Variants in PLXNA2 observed in about 807,000 individuals in gnomAD.
PLXNA2 encodes the protein plexin-A2.
Under a neutral mutation model 193.5 loss-of-function variants are expected in PLXNA2, and 91 were observed. The observed-to-expected ratio is 0.47, with a 90% CI of 0.40 to 0.56. The LOEUF (loss-of-function observed/expected upper bound fraction) is 0.56. Among genes scored for constraint, PLXNA2 ranks in the 20% least tolerant of loss-of-function variants. The pLI is 0.00. For missense variants in PLXNA2, 1,995 were observed against 2,503.2 expected (o/e 0.80, Z 4.33); for synonymous variants, 997 against 1,027.3 (o/e 0.97, Z 0.56).
chr1:208,194,288 G>T (rs1670280684), intron 3 of PLXNA2, among the ~76,000 whole-genome samples: 1 of 151,750 alleles, frequency 6.6e-6, no homozygotes, highest in Non-Finnish European at 1.5e-5. Flanking sequence ...CTGATCTGGG[G>T]GAAAGGGCCG....
At chr1:208,185,879 T>C (rs576120106) in intron 3 of PLXNA2, among the ~76,000 whole-genome samples, 1 of 152,080 alleles carries the variant, frequency 6.6e-6, no homozygotes, top group African/African-American at 2.4e-5. Flanking sequence ...GGTTTCAGAA[T>C]GGGCCACATC....
chr1:208,147,213 G>C (rs912009521), intron 3 of PLXNA2, among the ~76,000 whole-genome samples: 7 of 151,892 alleles, frequency 4.6e-5, no homozygotes, highest in African/African-American at 1.7e-4. Flanking sequence ...TTTAGAGACA[G>C]GGTCTCATTA....
rs1571855946 is a variant in PLXNA2 at position 208,044,419 on chromosome 1, A to G, written c.3874+89T>C. 4.5e-6 allele frequency: 4 copies of G among 888,010 alleles called. No individual in the cohort carries two copies. The highest frequency in any genetic ancestry group is 3.1e-4 in the Middle Eastern group (1 of 3,248). The allele number at this position is 888,010 out of a possible 1,614,324, so 55.0% of individuals were successfully genotyped here. ...CAGAGGCATGGCTGGCAGCGATGGG[A>G]GTAAAGATAGGAGTTGTCTGCAGGG... On this transcript the variant is annotated intron_variant, in intron 20 of 31. Transcript: ENST00000367033. The surrounding 1 kb of genome is among the most constrained non-coding windows in gnomAD (Gnocchi z 4.9).
chr1:208,081,085 G>A (rs902743940), intron 11 of PLXNA2, among the ~76,000 whole-genome samples: 2 of 152,228 alleles, frequency 1.3e-5, no homozygotes, highest in Non-Finnish European at 1.5e-5. Context: ...TAGAGTTTCC[G>A]ATGCAACAGC....
chr1:208,110,270 T>C (rs1667422678), intron 4 of PLXNA2, among the ~76,000 whole-genome samples: 1 of 152,210 alleles, frequency 6.6e-6, no homozygotes, highest in South Asian at 2.1e-4. Context: ...CCCACACCAC[T>C]TTCTGTCCTT....
At chr1:208,086,030 C>T (rs1666507764) in intron 9 of PLXNA2, among the ~76,000 whole-genome samples, 1 of 152,250 alleles carries the variant, frequency 6.6e-6, no homozygotes, top group East Asian at 1.9e-4. Context: ...CAAACTCAGC[C>T]CAGTTTCTTC....
intron 15 of PLXNA2, among the ~76,000 whole-genome samples, chr1:208,051,829 T>A (rs945621756): frequency 2.0e-5 from 3 of 152,198 alleles, no homozygotes; most frequent in Non-Finnish European, 4.4e-5. Context: ...AAGGAGATTA[T>A]CAGGTAGATA....
intron 8 of PLXNA2, among the ~76,000 whole-genome samples, chr1:208,095,423 A>T (rs1666849217): frequency 6.6e-6 from 1 of 152,196 alleles, no homozygotes; most frequent in Non-Finnish European, 1.5e-5. Flanking sequence ...GTAGAACTAA[A>T]GTCAAGCCCC....
intron 3 of PLXNA2, among the ~76,000 whole-genome samples, chr1:208,186,760 G>C (rs182262633): frequency 6.8e-6 from 1 of 147,234 alleles, no homozygotes; most frequent in Non-Finnish European, 1.5e-5. Flanking sequence ...TCGCCCAGGC[G>C]GGACTGCGGA....
At position 208,029,061 on chromosome 1, in the gene PLXNA2, A is replaced by G. The variant is rs914277053; in HGVS notation, c.5226-19T>C. Reference sequence around the variant, plus strand: ...AGGGAGGCTGTGGGGAAAGGCAGAGAAGACTTGAGAATGCATGCGGGCCGT... The same window carrying G: ...AGGGAGGCTGTGGGGAAAGGCAGAGGAGACTTGAGAATGCATGCGGGCCGT... On this transcript the variant is annotated intron_variant, in intron 29 of 31. Transcript: ENST00000367033. The G allele has an allele frequency of 1.9e-6, 3 of 1,613,562 alleles. No homozygotes were observed. Among genetic ancestry groups the G allele is most frequent in the Non-Finnish European group, 1.7e-6 (2 of 1,179,614 alleles).
At chr1:208,111,998 G>A (rs769613011) in intron 4 of PLXNA2, among the ~76,000 whole-genome samples, 1 of 152,226 alleles carries the variant, frequency 6.6e-6, no homozygotes, top group East Asian at 1.9e-4. Context: ...ACTATCTGGA[G>A]ACCTGAGGGC....
intron 4 of PLXNA2, among the ~76,000 whole-genome samples, chr1:208,108,110 G>A (rs143769994): frequency 6.6e-6 from 1 of 152,246 alleles, no homozygotes; most frequent in East Asian, 1.9e-4. Context: ...CATGTGGGAG[G>A]GACTTGGCAG....
At chr1:208,237,591 G>T (rs1671906839) in intron 1 of PLXNA2, among the ~76,000 whole-genome samples, 1 of 152,180 alleles carries the variant, frequency 6.6e-6, no homozygotes, top group Non-Finnish European at 1.5e-5. Flanking sequence ...GGTAGGTACG[G>T]GTAGCTGTGA....
chr1:208,123,352 GA>G (rs1667863289), intron 4 of PLXNA2, among the ~76,000 whole-genome samples: 1 of 152,162 alleles, frequency 6.6e-6, no homozygotes, highest in African/African-American at 2.4e-5. Flanking sequence ...TTCACCCCAA[GA>G]AATCCCACTG....
chr1:208,155,934 G>A (rs1270969540), intron 3 of PLXNA2, among the ~76,000 whole-genome samples: 1 of 152,336 alleles, frequency 6.6e-6, no homozygotes, highest in East Asian at 1.9e-4. Flanking sequence ...GGGAGTTAAT[G>A]CCCTTCATTC....
chr1:208,062,102 G>A (rs1665639357), intron 12 of PLXNA2, among the ~76,000 whole-genome samples: 1 of 152,170 alleles, frequency 6.6e-6, no homozygotes, highest in Non-Finnish European at 1.5e-5. Flanking sequence ...TGAAGATCGA[G>A]CGTCCTCTAG....
Position 208,120,271 on chromosome 1 carries a change from T to C in PLXNA2, c.1507-17024A>G, listed in dbSNP as rs572434494. On this transcript the variant is annotated intron_variant, in intron 4 of 31. Coordinates refer to ENST00000367033, the MANE Select transcript of PLXNA2 (RefSeq NM_025179.4). ...AAGATGTGAAAAAAAGATTCAGGAC[T>C]CTTAAAAGGCAGATACTGAGATGTG... 2.0e-5 allele frequency among the ~76,000 whole-genome samples: 3 copies of C among 152,272 alleles called. No individual in the cohort carries two copies. The South Asian group carries it at 6.2e-4, about 32-fold the overall frequency.
chr1:208,029,622 T>TATCA lies in PLXNA2; in HGVS notation c.5226-581_5226-580insTGAT, dbSNP rs1664441289. The TATCA allele has an allele frequency of 1.4e-5, 14 of 987,458 alleles. No individual in the cohort carries two copies. The South Asian group carries it at 5.1e-4, about 36-fold the overall frequency. 61.2% of individuals were successfully genotyped at this position (987,458 alleles called of 1,614,324 possible). On this transcript the variant is annotated intron_variant, in intron 29 of 31. Transcript: ENST00000367033. ...CATGACTCTCCCCAGGGCGTTCTTG[T>TATCA]ATCTGGGCAGGGGCAGAGGGAGAAG...
At chr1:208,198,032 C>T (rs1456131713) in intron 3 of PLXNA2, among the ~76,000 whole-genome samples, 5 of 152,308 alleles carry the variant, frequency 3.3e-5, no homozygotes, top group East Asian at 1.9e-4. Flanking sequence ...CACGCCACAT[C>T]GGAGTGCTTA....
Sources: gnomAD v4.1 joint callset for allele counts (sites outside exome capture counted in the v4.1 genomes callset) on GRCh38, gnomAD v4.1.1 for gene constraint, Gnocchi (gnomAD v3.1) non-coding constraint, MANE v1.5 for transcripts, NCBI Gene and HGNC (gene_info 2026-07-23, HGNC 2026-07-21) for gene names.